MPP7: variants seen among roughly 807,000 people sequenced by gnomAD.
MPP7 encodes the protein MAGUK p55 subfamily member 7.
In MPP7, 60 loss-of-function variants were observed where a neutral mutation model predicts 76.5. That is an observed-to-expected ratio of 0.78 (90% CI 0.64 to 0.97). MPP7 has a LOEUF of 0.97. MPP7 is among the 50% of genes least tolerant of loss of function. The pLI, the probability that MPP7 is intolerant of heterozygous loss-of-function variation, is 0.00. For synonymous variants in MPP7, 237 were observed against 244.5 expected, an observed-to-expected ratio of 0.97 and a Z score of 0.29; for missense variants, 641 against 694.0, an observed-to-expected ratio of 0.92 and a Z score of 0.86.
intron 5 of MPP7, among the ~76,000 whole-genome samples, chr10:28,143,157 GA>G (rs1441650476): frequency 1.3e-5 from 2 of 152,168 alleles, no homozygotes; most frequent in South Asian, 2.1e-4. Flanking sequence ...AATATACTGG[GA>G]AAAAACATTT....
intron 5 of MPP7, among the ~76,000 whole-genome samples, chr10:28,134,741 GAAATACAAAATGGCAAAGGC>G: frequency 6.6e-6 from 1 of 152,096 alleles, no homozygotes; most frequent in African/African-American, 2.4e-5. Flanking sequence ...CATCACAGCA[GAAATACAAAATGGCAAAGGC>G]AAAGAGAAGA....
At chr10:28,247,293 T>C (rs1001355270) in intron 1 of MPP7, among the ~76,000 whole-genome samples, 7 of 152,342 alleles carry the variant, frequency 4.6e-5, no homozygotes, top group African/African-American at 1.4e-4. Flanking sequence ...TCCTAGGCCC[T>C]ATATCAGAGC....
chr10:28,220,472 T>C (rs916733854), intron 2 of MPP7, among the ~76,000 whole-genome samples: 3 of 152,218 alleles, frequency 2.0e-5, no homozygotes, highest in Admixed American at 1.3e-4. Context: ...ATTGGCTTTA[T>C]GATATTCATA....
chr10:28,194,951 T>G (rs1426001522), intron 3 of MPP7, among the ~76,000 whole-genome samples: 1 of 152,036 alleles, frequency 6.6e-6, no homozygotes, highest in African/African-American at 2.4e-5. Context: ...TAAGAGAAAC[T>G]GGGAAGGGGA....
intron 5 of MPP7, among the ~76,000 whole-genome samples, chr10:28,133,164 A>T (rs772128961): frequency 6.6e-6 from 1 of 152,232 alleles, no homozygotes; most frequent in African/African-American, 2.4e-5. Context: ...GGAGCACTCC[A>T]GTATCTTTAA....
chr10:28,293,523 C>A (rs1446676834), intron 1 of MPP7, among the ~76,000 whole-genome samples: 2 of 152,118 alleles, frequency 1.3e-5, no homozygotes, highest in Non-Finnish European at 2.9e-5. Context: ...GAGAGAGGGT[C>A]CCCTGGGGGC....
At chr10:28,302,453 A>T (rs921063694) in intron 1 of MPP7, among the ~76,000 whole-genome samples, 2 of 152,196 alleles carry the variant, frequency 1.3e-5, no homozygotes, top group Non-Finnish European at 2.9e-5. Flanking sequence ...GGGAAAGAAA[A>T]AAAAGAAGCC....
At chr10:28,140,590 T>C (rs1180187685) in intron 5 of MPP7, among the ~76,000 whole-genome samples, 5 of 152,170 alleles carry the variant, frequency 3.3e-5, no homozygotes, top group Non-Finnish European at 1.5e-5. Flanking sequence ...ATTTCTGGTA[T>C]GCAGAGCAAG....
At chr10:28,103,030 T>A (rs540368045) in intron 11 of MPP7, among the ~76,000 whole-genome samples, 1 of 152,348 alleles carries the variant, frequency 6.6e-6, no homozygotes, top group East Asian at 1.9e-4. Context: ...ACTCTCCCCA[T>A]TCACTCTGCT....
chr10:28,142,031 G>A (rs1438149643), intron 5 of MPP7, among the ~76,000 whole-genome samples: 2 of 151,956 alleles, frequency 1.3e-5, no homozygotes, highest in Non-Finnish European at 2.9e-5. Context: ...CATACAGAGT[G>A]ATAATTTCAA....
chr10:28,141,225 A>G (rs1588838971), intron 5 of MPP7, among the ~76,000 whole-genome samples: 1 of 152,086 alleles, frequency 6.6e-6, no homozygotes, highest in African/African-American at 2.4e-5. Flanking sequence ...AGACAACAAA[A>G]CTTTGTAAAA....
intron 1 of MPP7, among the ~76,000 whole-genome samples, chr10:28,256,568 A>T (rs1346718198): frequency 2.6e-5 from 4 of 152,226 alleles, no homozygotes; most frequent in Non-Finnish European, 5.9e-5. Context: ...TTAAAAAATA[A>T]TAATAATGAA....
At chr10:28,299,790 G>A (rs964512221) in intron 1 of MPP7, among the ~76,000 whole-genome samples, 12 of 120,248 alleles carry the variant, frequency 1.0e-4, no homozygotes, top group Non-Finnish European at 1.7e-5. Flanking sequence ...TTTTGAGACG[G>A]AGTCTCGCTC....
chr10:28,149,891 G>C (rs771305325), intron 4 of MPP7, 91 bp downstream of exon 4: 37 of 830,728 alleles, frequency 4.5e-5, no homozygotes, highest in Non-Finnish European at 6.7e-5. Flanking sequence ...TCACTCATAG[G>C]ATCACACGCA....
At chr10:28,301,761 C>T (rs540501537) in intron 1 of MPP7, among the ~76,000 whole-genome samples, 4 of 152,158 alleles carry the variant, frequency 2.6e-5, no homozygotes, top group East Asian at 3.9e-4. Context: ...ATGAGCTTCA[C>T]GATTAAATGG....
chr10:28,142,096 C>T (rs1252800541), intron 5 of MPP7, among the ~76,000 whole-genome samples: 3 of 152,064 alleles, frequency 2.0e-5, no homozygotes, highest in Non-Finnish European at 4.4e-5. Flanking sequence ...AGACAATTTT[C>T]GTAAACTCAT....
In MPP7 at chr10:28,194,431, A is replaced by G. The variant is rs573671540; in HGVS notation, c.156+7722T>C. On this transcript the variant is annotated intron_variant, in intron 3 of 16. Coordinates refer to ENST00000683449, the MANE Select transcript of MPP7 (RefSeq NM_001318170.2). ...AAAACCTGCACACAAATGTTTATAG[A>G]AAGTTTACCTGTAACTGCTCAAAAC... 2.6e-5 allele frequency among the ~76,000 whole-genome samples: 4 copies of G among 152,334 alleles called. No individual in the cohort carries two copies. The East Asian group carries it at 7.7e-4, about 29-fold the overall frequency.
intron 2 of MPP7, among the ~76,000 whole-genome samples, chr10:28,233,291 T>G (rs188495826): frequency 2.8e-4 from 42 of 152,312 alleles, no homozygotes; most frequent in African/African-American, 9.6e-4. Flanking sequence ...GAACTCATAT[T>G]TAGTTTAGTA....
intron 3 of MPP7, among the ~76,000 whole-genome samples, chr10:28,154,830 A>G (rs193108151): frequency 6.6e-6 from 1 of 152,042 alleles, no homozygotes; most frequent in Admixed American, 6.6e-5. Context: ...TTCTACATAC[A>G]TTTATTTTTC....
Sources: allele counts gnomAD v4.1 joint callset (sites outside exome capture counted in the v4.1 genomes callset), GRCh38; gene constraint gnomAD v4.1.1; transcripts MANE v1.5; gene names NCBI Gene and HGNC (gene_info 2026-07-23, HGNC 2026-07-21).